The following LRPPRC variants were observed in gnomAD, a reference collection of about 807,000 sequenced individuals.
The protein encoded by LRPPRC is leucine-rich PPR motif-containing protein, mitochondrial.
A neutral mutation model predicts 180.3 loss-of-function variants in LRPPRC; 120 were observed. The observed-to-expected ratio is 0.67, with a 90% CI of 0.57 to 0.77. The LOEUF (loss-of-function observed/expected upper bound fraction) is 0.77. Among genes scored for constraint, LRPPRC ranks in the 30% least tolerant of loss-of-function variants. The pLI is 0.00. For synonymous variants in LRPPRC, 723 were observed against 600.0 expected, an observed-to-expected ratio of 1.21 and a Z score of -3.00; for missense variants, 2,012 against 1,657.2, an observed-to-expected ratio of 1.21 and a Z score of -3.72.
intron 36 of LRPPRC, among the ~76,000 whole-genome samples, chr2:43,893,836 T>C (rs1284362450): frequency 6.6e-6 from 1 of 152,186 alleles, no homozygotes; most frequent in African/African-American, 2.4e-5. Flanking sequence ...TTACTAATTC[T>C]GATTCTTGAG....
intron 27 of LRPPRC, among the ~76,000 whole-genome samples, chr2:43,919,379 T>C (rs1267750963): frequency 6.6e-6 from 1 of 152,214 alleles, no homozygotes. Flanking sequence ...TGTAATTCTC[T>C]TTACAAGTGA....
chr2:43,892,186 C>T (rs930044174), intron 36 of LRPPRC, among the ~76,000 whole-genome samples: 1 of 152,172 alleles, frequency 6.6e-6, no homozygotes, highest in Admixed American at 6.5e-5. Flanking sequence ...CTGATGAAGG[C>T]GGCTACACTA....
intron 11 of LRPPRC, among the ~76,000 whole-genome samples, chr2:43,965,512 G>A (rs1257173859): frequency 6.6e-6 from 1 of 152,178 alleles, no homozygotes; most frequent in Non-Finnish European, 1.5e-5. Flanking sequence ...AAACAGTGAA[G>A]TGGAACCACA....
chr2:43,925,514 TG>T (rs1191901746), intron 26 of LRPPRC, among the ~76,000 whole-genome samples: 2 of 152,142 alleles, frequency 1.3e-5, no homozygotes, highest in Non-Finnish European at 2.9e-5. Context: ...ACACTCTTCT[TG>T]CCCTGTGGCT....
chr2:43,996,135 T>G (rs909257479), upstream of LRPPRC: 29 of 548,256 alleles, frequency 5.3e-5, no homozygotes, highest in Non-Finnish European at 6.4e-6. Context: ...CAATGTAATA[T>G]TTACATAAAC....
intron 23 of LRPPRC, among the ~76,000 whole-genome samples, chr2:43,941,836 C>T (rs1672492168): frequency 1.8e-5 from 1 of 55,866 alleles, no homozygotes; most frequent in Admixed American, 2.4e-4. Context: ...GCAAAGTAGT[C>T]TAAAAAAAAA....
chr2:43,889,148 G>A (rs945094194), intron 37 of LRPPRC, among the ~76,000 whole-genome samples: 1 of 151,814 alleles, frequency 6.6e-6, no homozygotes, highest in Non-Finnish European at 1.5e-5. Flanking sequence ...AACCCCATCT[G>A]TACTAAAAAT....
intron 3 of LRPPRC, among the ~76,000 whole-genome samples, chr2:43,979,554 T>C (rs530833820): frequency 6.6e-6 from 1 of 152,226 alleles, no homozygotes; most frequent in Admixed American, 6.5e-5. Context: ...AAATGGTATG[T>C]GCATTTATAA....
chr2:43,984,070 A>T (rs905394527), intron 1 of LRPPRC, among the ~76,000 whole-genome samples: 1 of 152,144 alleles, frequency 6.6e-6, no homozygotes, highest in Non-Finnish European at 1.5e-5. Flanking sequence ...CACAGAAGAT[A>T]TACCCTTAAA....
At chr2:43,905,960 T>C (rs1671054992) in intron 30 of LRPPRC, among the ~76,000 whole-genome samples, 180 bp from the exon 31 acceptor site, 1 of 152,224 alleles carries the variant, frequency 6.6e-6, no homozygotes, top group South Asian at 2.1e-4. Flanking sequence ...AGGATAATTT[T>C]TTTTTGCATT....
intron 14 of LRPPRC, among the ~76,000 whole-genome samples, chr2:43,955,895 A>G (rs1290632860): frequency 6.6e-6 from 1 of 152,190 alleles, no homozygotes; most frequent in Non-Finnish European, 1.5e-5. Flanking sequence ...CAAAGTGGAC[A>G]AGGGGCCTCT....
At chr2:43,988,919 G>A (rs570010444) in intron 1 of LRPPRC, among the ~76,000 whole-genome samples, 1 of 152,152 alleles carries the variant, frequency 6.6e-6, no homozygotes, top group African/African-American at 2.4e-5. Context: ...GTCCAGGCTG[G>A]AGTGCAGTGG....
intron 1 of LRPPRC, among the ~76,000 whole-genome samples, chr2:43,985,784 T>C (rs190629630): frequency 4.6e-5 from 7 of 152,380 alleles, no homozygotes; most frequent in South Asian, 2.1e-4. Flanking sequence ...ATAAAGCTGC[T>C]ATAAGCATTT....
intron 36 of LRPPRC, among the ~76,000 whole-genome samples, chr2:43,893,295 G>A (rs936886799): frequency 1.3e-5 from 2 of 152,212 alleles, no homozygotes; most frequent in African/African-American, 2.4e-5. Flanking sequence ...GGTTTGAGAA[G>A]ATTGATTCCA....
intron 29 of LRPPRC, among the ~76,000 whole-genome samples, chr2:43,914,374 G>T (rs997865916): frequency 6.6e-6 from 1 of 151,954 alleles, no homozygotes; most frequent in Non-Finnish European, 1.5e-5. Context: ...AATTTTCAAA[G>T]CATTCATATT....
At chr2:43,913,787 C>A (rs527481631) in intron 29 of LRPPRC, among the ~76,000 whole-genome samples, 1 of 152,290 alleles carries the variant, frequency 6.6e-6, no homozygotes, top group African/African-American at 2.4e-5. Context: ...TTGTGAACAA[C>A]TGTATATTCC....
intron 1 of LRPPRC, among the ~76,000 whole-genome samples, chr2:43,995,581 G>A (rs1004266914): frequency 1.3e-5 from 2 of 152,208 alleles, no homozygotes; most frequent in African/African-American, 4.8e-5. Context: ...GATTCAAGCC[G>A]GAGGCAGGCC....
Position 43,973,595 on chromosome 2 carries a change from G to C in LRPPRC, c.1369+12C>G. 1.3e-6 allele frequency: 2 copies of C among 1,581,242 alleles called. No homozygotes were observed. The highest frequency in any genetic ancestry group is 2.7e-5 in the African/African-American group (2 of 74,360). On this transcript the variant is annotated intron_variant, in intron 11 of 37. Coordinates refer to ENST00000260665, the MANE Select transcript of LRPPRC (RefSeq NM_133259.4). ...GGGAACCATTACAAATCGGTAAAAG[G>C]CAAAATCTAACCTTGAACATTTTTT...
intron 25 of LRPPRC, among the ~76,000 whole-genome samples, chr2:43,926,896 C>T (rs987595074): frequency 6.6e-6 from 1 of 152,164 alleles, no homozygotes; most frequent in Non-Finnish European, 1.5e-5. Flanking sequence ...AAGAACAAAA[C>T]AAGCTAAGTA....
Sources: allele counts gnomAD v4.1 joint callset (sites outside exome capture counted in the v4.1 genomes callset), GRCh38; gene constraint gnomAD v4.1.1; transcripts MANE v1.5; gene names NCBI Gene and HGNC (gene_info 2026-07-23, HGNC 2026-07-21).